WDR48: variants seen among roughly 807,000 people sequenced by gnomAD.
WDR48 encodes WD repeat domain 48.
Under a neutral mutation model 94.0 loss-of-function variants are expected in WDR48, and 22 were observed. The ratio of observed to expected loss-of-function variants is 0.23; its 90% CI spans 0.17 to 0.33. WDR48 has a LOEUF of 0.33. Among genes scored for constraint, WDR48 ranks in the 10% least tolerant of loss-of-function variants. The pLI is 1.00. For synonymous variants in WDR48, 278 were observed against 280.5 expected (o/e 0.99, Z 0.09); for missense variants, 541 against 813.8 (o/e 0.66, Z 4.08).
At chr3:39,067,107 C>T (rs977091328) in intron 5 of WDR48, among the ~76,000 whole-genome samples, 3 of 152,086 alleles carry the variant, frequency 2.0e-5, no homozygotes, top group Admixed American at 6.6e-5. Flanking sequence ...ATTTTTTGTA[C>T]GTGTGCATGT....
rs756118677 is a variant in WDR48, at chr3:39,084,696, G to A, written c.1333G>A (p.Ala445Thr). ...ESDCFAAWVSAKDAGFSSPDG... is the reference protein window; with the variant it reads ...ESDCFAAWVSTKDAGFSSPDG... ...TGATTGTTTTGCTGCCTGGGTTTCT[G>A]CAAAAGATGCTGGTTTCAGCAGCCC... Residue 445 changes from alanine (A) to threonine (T), a missense_variant, in exon 13 of 19, where the codon GCA becomes ACA. Ala to Thr is a moderately conservative substitution (Grantham distance 58). This residue lies in a region of WDR48 where 238 missense variants were observed against 285.3 expected (regional missense o/e 0.83). Transcript: ENST00000302313. 1.9e-6 allele frequency: 3 copies of A among 1,613,660 alleles called. No homozygotes were observed. The highest frequency in any genetic ancestry group is 1.3e-5 in the African/African-American group (1 of 74,896).
chr3:39,091,201 GGA>G (rs941988474), intron 16 of WDR48: 1 of 153,384 alleles, frequency 6.5e-6, no homozygotes, highest in African/African-American at 2.4e-5. Flanking sequence ...CTTTTCAGTT[GGA>G]TGATGGGCCT....
At chr3:39,064,258 G>A (rs2033455732) in intron 2 of WDR48, among the ~76,000 whole-genome samples, 1 of 151,462 alleles carries the variant, frequency 6.6e-6, no homozygotes, top group Non-Finnish European at 1.5e-5. Context: ...GTACCTATTA[G>A]GATCCATTTT....
At chr3:39,066,430 TTGTG>T (rs1457343612) in intron 3 of WDR48, 114 bp from the exon 4 acceptor site, 1 of 856,350 alleles carries the variant, frequency 1.2e-6, no homozygotes, top group South Asian at 1.8e-5. Flanking sequence ...TTAGGTATGT[TTGTG>T]TGTGTAAGAG....
chr3:39,095,030 C>CT lies in WDR48; in HGVS notation c.*290dup, dbSNP rs777183438. On this transcript the variant is annotated 3_prime_UTR_variant, in exon 19 of 19. Transcript: ENST00000302313. ...AAGACTGACAACAGGCCAGTGCAGA[C>CT]TTTGCTTCCTCCTTTTGTTTCAAAG... is the stretch of plus-strand genomic sequence containing the variant. 1 of 426,974 alleles carries CT rather than the reference C, an allele frequency of 2.3e-6. No individual in the cohort carries two copies. The highest frequency in any genetic ancestry group is 4.2e-6 in the Non-Finnish European group (1 of 239,388). 26.4% of individuals were successfully genotyped at this position (426,974 alleles called of 1,614,324 possible).
Position 39,088,163 on chromosome 3 carries a change from A to G in WDR48, c.1510A>G (p.Asn504Asp). 1 of 1,614,112 alleles carries G rather than the reference A, an allele frequency of 6.2e-7. No individual in the cohort carries two copies. Among genetic ancestry groups the G allele is most frequent in the East Asian group, 2.2e-5 (1 of 44,884 alleles). The part of the protein sequence containing the change: ...GEQENRVQKG[N>D]GYFQVPPHTP... ...GCAGGAGAACCGAGTGCAGAAGGGA[A>G]ATGGATATTTTCAAGTGCCCCCACA... Residue 504 changes from asparagine (N) to aspartate (D), a missense_variant, in exon 15 of 19, where the codon AAT becomes GAT. Transcript: ENST00000302313.
chr3:39,057,308 G>T (rs2032952172), intron 1 of WDR48, among the ~76,000 whole-genome samples: 1 of 152,158 alleles, frequency 6.6e-6, no homozygotes. Context: ...AAAGTTATAG[G>T]ATAAGCACAA....
intron 8 of WDR48, 91 bp downstream of exon 8, chr3:39,075,041 A>T: frequency 7.7e-7 from 1 of 1,297,728 alleles, no homozygotes; most frequent in Admixed American, 2.1e-5. Flanking sequence ...ACATGACTCA[A>T]CTGCAGGGTT....
intron 14 of WDR48, among the ~76,000 whole-genome samples, chr3:39,087,119 G>C (rs77465675): frequency 0.011 from 1,621 of 152,326 alleles, 10 homozygotes; most frequent in Non-Finnish European, 0.014. Flanking sequence ...GGTGCTAGGA[G>C]AGAGGTTCCA....
At chr3:39,090,580 T>G (rs982358744) in intron 16 of WDR48, 1 of 152,206 alleles carries the variant, frequency 6.6e-6, no homozygotes, top group Non-Finnish European at 1.5e-5. Context: ...GAATTTAGTC[T>G]TCTGTTTGGT....
chr3:39,068,157 G>A (rs920952136), intron 5 of WDR48, among the ~76,000 whole-genome samples: 7 of 152,106 alleles, frequency 4.6e-5, no homozygotes, highest in Middle Eastern at 3.2e-3. Context: ...CTTGCTACAA[G>A]TAGACATTTT....
At chr3:39,084,348 G>A (rs980442015) in intron 12 of WDR48, 86 bp downstream of exon 12, 44 of 911,940 alleles carry the variant, frequency 4.8e-5, no homozygotes, top group Non-Finnish European at 6.3e-5. Flanking sequence ...ACAGAGTCCT[G>A]TGTTTTTAGG....
intron 9 of WDR48, chr3:39,077,883 T>C (rs1167847431): frequency 1.1e-5 from 4 of 354,332 alleles, no homozygotes; most frequent in Non-Finnish European, 2.1e-5. Context: ...TTATGACCAA[T>C]ACAATTTTAC....
rs1402464563 is a variant in WDR48, at chr3:39,079,523, T to G, written c.1076-188T>G. On this transcript the variant is annotated intron_variant, in intron 10 of 18. Transcript: ENST00000302313. ...TAGTTTTTCTTTGAATGTTTATAAA[T>G]GGACATAAATAATTTATGGGACTTG... Among the ~76,000 whole-genome samples, 3 of 152,220 alleles carry G rather than the reference T, an allele frequency of 2.0e-5. No homozygotes were observed. The East Asian group carries it at 5.8e-4, about 29-fold the overall frequency.
intron 7 of WDR48, among the ~76,000 whole-genome samples, chr3:39,072,791 C>A (rs1450647677): frequency 2.6e-5 from 4 of 152,136 alleles, no homozygotes; most frequent in Non-Finnish European, 5.9e-5. Context: ...ACTATAATTC[C>A]TATAAAACAG....
At chr3:39,091,839 C>A in intron 17 of WDR48, 138 bp downstream of exon 17, 2 of 756,392 alleles carry the variant, frequency 2.6e-6, no homozygotes, top group East Asian at 3.4e-5. Context: ...ACAATTAAAC[C>A]ACTTACCAGG....
chr3:39,073,854 A>G (rs1048420640), intron 7 of WDR48, among the ~76,000 whole-genome samples: 33 of 152,334 alleles, frequency 2.2e-4, no homozygotes, highest in African/African-American at 7.5e-4. Flanking sequence ...GATTCCCGTC[A>G]GTAGAATCCA....
chr3:39,055,573 A>G (rs1559593289), intron 1 of WDR48, among the ~76,000 whole-genome samples: 1 of 152,254 alleles, frequency 6.6e-6, no homozygotes, highest in Admixed American at 6.5e-5. Context: ...AAATGAGTCC[A>G]TGTCCTACCA....
intron 3 of WDR48, 106 bp from the exon 4 acceptor site, chr3:39,066,440 AAG>A (rs1376935198): frequency 1.8e-5 from 17 of 937,224 alleles, no homozygotes; most frequent in East Asian, 5.2e-5. Context: ...TTGTGTGTGT[AAG>A]AGAGAGAATA....
Sources: allele counts gnomAD v4.1 joint callset (sites outside exome capture counted in the v4.1 genomes callset), GRCh38; gene constraint gnomAD v4.1.1; regional missense constraint gnomAD v4.1.1; transcripts MANE v1.5; gene names NCBI Gene and HGNC (gene_info 2026-07-23, HGNC 2026-07-21).